Variants in FTO observed in about 807,000 individuals in gnomAD.
FTO encodes alpha-ketoglutarate-dependent dioxygenase FTO.
FTO carries 47 observed loss-of-function variants against 63.9 expected under a neutral mutation model. The observed-to-expected ratio is 0.74, with a 90% CI of 0.58 to 0.94. The LOEUF (loss-of-function observed/expected upper bound fraction) is 0.94. Ranked by LOEUF, FTO falls within the 40% of genes least tolerant of loss-of-function variation. The pLI is 0.00. For missense variants in FTO, 562 were observed against 618.1 expected, an observed-to-expected ratio of 0.91 and a Z score of 0.96; for synonymous variants, 207 against 224.4, an observed-to-expected ratio of 0.92 and a Z score of 0.69.
At chr16:53,993,146 A>G (rs1366363432) in intron 8 of FTO, 1 of 152,242 alleles carries the variant, frequency 6.6e-6, no homozygotes, top group African/African-American at 2.4e-5. Flanking sequence ...AATGTCTTCA[A>G]TCGTGCTTAA....
At chr16:53,707,820 G>A (rs572816461) in intron 1 of FTO, among the ~76,000 whole-genome samples, 6 of 152,124 alleles carry the variant, frequency 3.9e-5, no homozygotes, top group Non-Finnish European at 7.4e-5. Flanking sequence ...TGTCACCACC[G>A]TCTTATTTTA....
chr16:53,754,648 G>A (rs2076878115), intron 1 of FTO, among the ~76,000 whole-genome samples: 1 of 151,812 alleles, frequency 6.6e-6, no homozygotes, highest in Non-Finnish European at 1.5e-5. Flanking sequence ...AAAAAAAAAA[G>A]CTCCATGATA....
intron 4 of FTO, among the ~76,000 whole-genome samples, chr16:53,857,151 T>C (rs1417166915): frequency 6.6e-6 from 1 of 152,144 alleles, no homozygotes; most frequent in Non-Finnish European, 1.5e-5. Flanking sequence ...TTGCATATTG[T>C]AGGGGTTTAG....
At chr16:54,078,290 G>A (rs1296338033) in intron 8 of FTO, among the ~76,000 whole-genome samples, 3 of 146,512 alleles carry the variant, frequency 2.0e-5, no homozygotes, top group Admixed American at 7.0e-5. Context: ...TTACTAAAAT[G>A]TGCTAATTTG....
At chr16:53,803,702 G>A (rs956850843) in intron 1 of FTO, among the ~76,000 whole-genome samples, 5 of 152,116 alleles carry the variant, frequency 3.3e-5, no homozygotes, top group African/African-American at 1.2e-4. Flanking sequence ...ATAAGCAGCA[G>A]TATAGTCTCT....
intron 8 of FTO, chr16:54,071,121 G>A (rs2085856256): frequency 6.6e-6 from 1 of 152,200 alleles, no homozygotes; most frequent in South Asian, 2.1e-4. Context: ...TTTTAAAGAG[G>A]AAAAGAGAAG....
chr16:53,816,897 C>T (rs1445227454), intron 2 of FTO, among the ~76,000 whole-genome samples: 1 of 152,196 alleles, frequency 6.6e-6, no homozygotes, highest in Non-Finnish European at 1.5e-5. Context: ...ATTCTCAGCA[C>T]CCAAGTGCTT....
intron 8 of FTO, among the ~76,000 whole-genome samples, chr16:53,945,726 C>A (rs1039134501): frequency 6.6e-6 from 1 of 152,144 alleles, no homozygotes; most frequent in African/African-American, 2.4e-5. Context: ...TGGTTACAGT[C>A]TTTTAGAAGG....
intron 6 of FTO, among the ~76,000 whole-genome samples, chr16:53,886,718 A>T (rs1441428225): frequency 6.6e-6 from 1 of 152,252 alleles, no homozygotes; most frequent in African/African-American, 2.4e-5. Context: ...CTTTTCATAC[A>T]ACTTGGTATT....
At chr16:53,834,319 C>G (rs114683042) in intron 3 of FTO, among the ~76,000 whole-genome samples, 8 of 152,094 alleles carry the variant, frequency 5.3e-5, no homozygotes, top group African/African-American at 1.4e-4. Context: ...CCACCGCGCC[C>G]GGCCTGAACT....
chr16:53,878,056 T>C (rs1399664578), intron 5 of FTO, among the ~76,000 whole-genome samples: 1 of 152,186 alleles, frequency 6.6e-6, no homozygotes, highest in African/African-American at 2.4e-5. Flanking sequence ...CCCAGCACTT[T>C]GGGAGGCTGA....
intron 4 of FTO, among the ~76,000 whole-genome samples, chr16:53,871,037 C>G (rs1418510256): frequency 6.6e-6 from 1 of 152,120 alleles, no homozygotes; most frequent in Non-Finnish European, 1.5e-5. Flanking sequence ...TCATTCTAAT[C>G]TTTGTCCCTC....
chr16:53,737,638 G>A (rs1028569070), intron 1 of FTO, among the ~76,000 whole-genome samples: 5 of 152,224 alleles, frequency 3.3e-5, no homozygotes, highest in Admixed American at 6.5e-5. Flanking sequence ...ATATGTGGAT[G>A]TAAGAAGGAT....
At chr16:53,785,647 C>A (rs1005161815) in intron 1 of FTO, among the ~76,000 whole-genome samples, 1 of 152,070 alleles carries the variant, frequency 6.6e-6, no homozygotes, top group Non-Finnish European at 1.5e-5. Flanking sequence ...CGCGGTGGCT[C>A]ATGCCTGTAA....
intron 8 of FTO, chr16:53,937,461 A>G (rs1219390831): frequency 2.6e-6 from 1 of 390,926 alleles, no homozygotes; most frequent in African/African-American, 2.1e-5. Context: ...CAGCTAATAA[A>G]CTCTGAGGTT....
chr16:53,822,606 C>T (rs2078897314), intron 2 of FTO, among the ~76,000 whole-genome samples: 1 of 152,138 alleles, frequency 6.6e-6, no homozygotes, highest in Non-Finnish European at 1.5e-5. Flanking sequence ...GACTCCAGCA[C>T]ACCACCAGTA....
At chr16:54,107,980 G>A (rs780500020) in intron 8 of FTO, among the ~76,000 whole-genome samples, 2 of 152,290 alleles carry the variant, frequency 1.3e-5, no homozygotes, top group East Asian at 1.9e-4. Flanking sequence ...CTAGGACAGC[G>A]TGATGTACTG....
At chr16:53,891,663 G>A (rs1341317244) in intron 7 of FTO, among the ~76,000 whole-genome samples, 2 of 152,068 alleles carry the variant, frequency 1.3e-5, no homozygotes, top group East Asian at 1.9e-4. Context: ...CTTGTCTCAC[G>A]TACACACACA....
intron 1 of FTO, among the ~76,000 whole-genome samples, chr16:53,744,424 T>A (rs1397740555): frequency 6.6e-6 from 1 of 152,242 alleles, no homozygotes; most frequent in East Asian, 1.9e-4. Flanking sequence ...ATAATTTAAC[T>A]GTGCTTAGTA....
Sources: allele counts gnomAD v4.1 joint callset (sites outside exome capture counted in the v4.1 genomes callset), GRCh38; gene constraint gnomAD v4.1.1; transcripts MANE v1.5; gene names NCBI Gene and HGNC (gene_info 2026-07-23, HGNC 2026-07-21).